Variants in C5orf46 observed in about 807,000 individuals in gnomAD.
C5orf46 encodes the protein chromosome 5 open reading frame 46.
A neutral mutation model predicts 8.9 loss-of-function variants in C5orf46; 9 were observed. The ratio of observed to expected loss-of-function variants is 1.01; its 90% CI spans 0.61 to 1.76. The LOEUF (loss-of-function observed/expected upper bound fraction) is 1.76, where lower values mean the gene tolerates loss of function less well. Among genes scored for constraint, C5orf46 ranks in the 40% most tolerant of loss-of-function variants. C5orf46 has a pLI of 0.00. For synonymous variants in C5orf46, 47 were observed against 41.4 expected, an observed-to-expected ratio of 1.14 and a Z score of -0.52; for missense variants, 98 against 107.8, an observed-to-expected ratio of 0.91 and a Z score of 0.40.
At chr5:147,901,442 A>C in intron 2 of C5orf46, 187 bp downstream of exon 2, 2 of 500,906 alleles carry the variant, frequency 4.0e-6, no homozygotes, top group Non-Finnish European at 6.8e-6. Context: ...CCTTTCCCCC[A>C]AAAAGCTCAG....
At chr5:147,903,612 G>T (rs1327350047) in intron 1 of C5orf46, among the ~76,000 whole-genome samples, 1 of 152,152 alleles carries the variant, frequency 6.6e-6, no homozygotes, top group African/African-American at 2.4e-5. Flanking sequence ...AGCATTTATT[G>T]TTTACTATGA....
chr5:147,897,093 T>C, intron 2 of C5orf46, 52 bp from the exon 3 acceptor site: 1 of 855,810 alleles, frequency 1.2e-6, no homozygotes, highest in Non-Finnish European at 1.9e-6. Context: ...AACAGGAGTG[T>C]TAGAATGATC....
At chr5:147,905,052 G>A (rs1033504087) in intron 1 of C5orf46, among the ~76,000 whole-genome samples, 1 of 151,670 alleles carries the variant, frequency 6.6e-6, no homozygotes, top group Non-Finnish European at 1.5e-5. Flanking sequence ...TGCTTTAGAA[G>A]ATAATATAAA....
chr5:147,904,529 C>T (rs577910745), intron 1 of C5orf46, among the ~76,000 whole-genome samples: 35 of 152,288 alleles, frequency 2.3e-4, no homozygotes, highest in African/African-American at 7.9e-4. Flanking sequence ...TGGCTACTTG[C>T]ATAATAAATT....
chr5:147,901,032 C>T (rs79025549), intron 2 of C5orf46, among the ~76,000 whole-genome samples: 2,692 of 152,228 alleles, frequency 0.018, 86 homozygotes, highest in African/African-American at 0.062. Flanking sequence ...TGATGAAAAC[C>T]AACACTCATG....
At chr5:147,899,521 C>A (rs1358009567) in intron 2 of C5orf46, among the ~76,000 whole-genome samples, 1 of 152,148 alleles carries the variant, frequency 6.6e-6, no homozygotes, top group Non-Finnish European at 1.5e-5. Context: ...GTCTGATCTG[C>A]AAGATATCTT....
chr5:147,903,848 A>G (rs1757708986), intron 1 of C5orf46, among the ~76,000 whole-genome samples: 1 of 152,140 alleles, frequency 6.6e-6, no homozygotes, highest in Non-Finnish European at 1.5e-5. Flanking sequence ...CCTGGGCTCA[A>G]GACATCCTCC....
chr5:147,896,202 G>A (rs1010649613), intron 3 of C5orf46, among the ~76,000 whole-genome samples: 2 of 152,146 alleles, frequency 1.3e-5, no homozygotes, highest in Admixed American at 1.3e-4. Context: ...TAGAGATACA[G>A]CACAGGCCTT....
intron 1 of C5orf46, among the ~76,000 whole-genome samples, chr5:147,904,610 T>C (rs934877257): frequency 1.3e-5 from 2 of 152,032 alleles, no homozygotes; most frequent in Non-Finnish European, 1.5e-5. Context: ...GGGATTGGAG[T>C]GGGCGGAAAT....
Position 147,906,485 on chromosome 5 carries a change from A to G in C5orf46, c.17T>C (p.Leu6Pro). The G allele has an allele frequency of 6.2e-7, 1 of 1,611,968 alleles. No individual in the cohort carries two copies. The highest frequency in any genetic ancestry group is 8.5e-7 in the Non-Finnish European group (1 of 1,178,696). Residue 6 changes from leucine to proline, a missense_variant, in exon 1 of 4, where the codon CTT becomes CCT. Transcript: ENST00000318315. MAVSV[L>P]RLTVVLGLLV... ...CAGTCCCAGGACAACTGTCAGGCGA[A>G]GTACTGAGACAGCCATTCTGGTAGC...
chr5:147,890,651 G>C (rs892101164), downstream of C5orf46, among the ~76,000 whole-genome samples: 1 of 152,034 alleles, frequency 6.6e-6, no homozygotes. Context: ...AGAAATGAAG[G>C]AGCAAGCCAT....
At chr5:147,895,233 G>T (rs1292145988) in intron 3 of C5orf46, among the ~76,000 whole-genome samples, 1 of 152,108 alleles carries the variant, frequency 6.6e-6, no homozygotes, top group Non-Finnish European at 1.5e-5. Flanking sequence ...GAGGCCAGGA[G>T]TTCAACACCA....
At chr5:147,894,755 TA>T (rs370684673) in intron 3 of C5orf46, among the ~76,000 whole-genome samples, 557 of 130,376 alleles carry the variant, frequency 4.3e-3, no homozygotes, top group Middle Eastern at 7.5e-3. Context: ...AAGAAATGTG[TA>T]AAAAAAAAAA....
intron 3 of C5orf46, among the ~76,000 whole-genome samples, chr5:147,893,863 A>G (rs766631732): frequency 2.0e-5 from 3 of 151,962 alleles, no homozygotes; most frequent in Non-Finnish European, 4.4e-5. Context: ...CCATCACATA[A>G]ATCTTATAAG....
chr5:147,899,578 G>A (rs532050739), intron 2 of C5orf46, among the ~76,000 whole-genome samples: 8 of 152,280 alleles, frequency 5.3e-5, no homozygotes, highest in African/African-American at 1.9e-4. Flanking sequence ...GCCATGTACT[G>A]TGCTCTTGCA....
intron 1 of C5orf46, among the ~76,000 whole-genome samples, chr5:147,904,646 C>A (rs1308009729): frequency 6.6e-6 from 1 of 151,980 alleles, no homozygotes; most frequent in African/African-American, 2.4e-5. Context: ...AGCTTGTGAA[C>A]CCCATATATA....
chr5:147,901,024 A>G (rs1474839043), intron 2 of C5orf46, among the ~76,000 whole-genome samples: 1 of 152,166 alleles, frequency 6.6e-6, no homozygotes, highest in Non-Finnish European at 1.5e-5. Flanking sequence ...GTCTCTCATG[A>G]TGAAAACCAA....
chr5:147,899,746 G>T (rs1253464813), intron 2 of C5orf46, among the ~76,000 whole-genome samples: 1 of 152,182 alleles, frequency 6.6e-6, no homozygotes. Context: ...AACAAGAATG[G>T]TCATAGAATA....
At chr5:147,896,258 A>T (rs1338681237) in intron 3 of C5orf46, among the ~76,000 whole-genome samples, 1 of 152,302 alleles carries the variant, frequency 6.6e-6, no homozygotes. Flanking sequence ...TCCTTTATCA[A>T]TATAGCCACA....
Sources: gnomAD v4.1 joint callset for allele counts (sites outside exome capture counted in the v4.1 genomes callset) on GRCh38, gnomAD v4.1.1 for gene constraint, MANE v1.5 for transcripts, NCBI Gene and HGNC (gene_info 2026-07-23, HGNC 2026-07-21) for gene names.